The following ATP8A2 variants were observed in gnomAD, a reference collection of about 807,000 sequenced individuals.
ATP8A2 encodes the protein ATPase phospholipid transporting 8A2.
ATP8A2 carries 100 observed loss-of-function variants against 165.6 expected under a neutral mutation model. The observed-to-expected ratio is 0.60, with a 90% CI of 0.51 to 0.71. The LOEUF is 0.71. Among genes scored for constraint, ATP8A2 ranks in the 30% least tolerant of loss-of-function variants. The pLI is 0.00. For synonymous variants in ATP8A2, 543 were observed against 548.8 expected (o/e 0.99, Z 0.15); for missense variants, 1,227 against 1,479.5 (o/e 0.83, Z 2.80).
intron 24 of ATP8A2, among the ~76,000 whole-genome samples, chr13:25,654,312 C>A (rs1226637295): frequency 1.3e-5 from 2 of 152,086 alleles, no homozygotes; most frequent in African/African-American, 2.4e-5. Flanking sequence ...CTCAGGTGAT[C>A]CTTCCACCTC....
At chr13:25,810,869 A>G (rs1435801687) in intron 27 of ATP8A2, among the ~76,000 whole-genome samples, 1 of 152,184 alleles carries the variant, frequency 6.6e-6, no homozygotes, top group Non-Finnish European at 1.5e-5. Context: ...GATTATGTCT[A>G]TCCCATCAAA....
At chr13:25,717,788 T>C (rs2043288097) in intron 25 of ATP8A2, among the ~76,000 whole-genome samples, 1 of 152,232 alleles carries the variant, frequency 6.6e-6, no homozygotes. Context: ...AATGCCTCCC[T>C]CAGTATAGCT....
At chr13:25,708,843 G>A (rs2043104310) in intron 25 of ATP8A2, among the ~76,000 whole-genome samples, 1 of 152,214 alleles carries the variant, frequency 6.6e-6, no homozygotes, top group South Asian at 2.1e-4. Context: ...AATTTTGTCA[G>A]CAGGAGCTAG....
intron 24 of ATP8A2, among the ~76,000 whole-genome samples, chr13:25,592,164 A>G (rs1393530091): frequency 2.0e-5 from 3 of 151,448 alleles, no homozygotes; most frequent in Non-Finnish European, 4.4e-5. Context: ...TATATCTTCT[A>G]TGGAGAAATG....
At chr13:25,591,438 T>A in intron 24 of ATP8A2, 1 of 450,814 alleles carries the variant, frequency 2.2e-6, no homozygotes, top group South Asian at 1.6e-5. Context: ...TCATTTCATG[T>A]AACATAATGT....
At chr13:25,579,595 C>T (rs1470181020) in intron 21 of ATP8A2, among the ~76,000 whole-genome samples, 1 of 152,208 alleles carries the variant, frequency 6.6e-6, no homozygotes, top group Non-Finnish European at 1.5e-5. Context: ...TTCTCGCGCA[C>T]TCTCAGCCTT....
Position 25,832,970 on chromosome 13 carries a change from GTAGA to G in ATP8A2, c.2755-4190_2755-4187del, listed in dbSNP as rs557847252. 5.9e-3 allele frequency among the ~76,000 whole-genome samples: 892 copies of G among 152,130 alleles called. 7 individuals are homozygous for G. The highest frequency in any genetic ancestry group is 0.021 in the African/African-American group (851 of 41,512). ...TATCTAGAAAACAAAAGAAAAAACA[GTAGA>G]TAAATACTCGAATTATAAGAGAATT... On this transcript the variant is annotated intron_variant, in intron 28 of 36. Coordinates refer to ENST00000381655, the MANE Select transcript of ATP8A2 (RefSeq NM_016529.6).
intron 16 of ATP8A2, among the ~76,000 whole-genome samples, chr13:25,564,453 G>A (rs1271587801): frequency 6.6e-6 from 1 of 152,164 alleles, no homozygotes; most frequent in African/African-American, 2.4e-5. Flanking sequence ...ATTCTACTGT[G>A]TGCCAGGCAA....
intron 33 of ATP8A2, among the ~76,000 whole-genome samples, chr13:25,931,310 A>C (rs777319764): frequency 6.6e-6 from 1 of 152,256 alleles, no homozygotes; most frequent in Non-Finnish European, 1.5e-5. Flanking sequence ...CCTGGGTCCT[A>C]TCTCCAGGAT....
intron 25 of ATP8A2, among the ~76,000 whole-genome samples, chr13:25,768,080 G>GT (rs994456818): frequency 1.4e-5 from 2 of 138,806 alleles, no homozygotes; most frequent in Non-Finnish European, 1.6e-5. Context: ...GTGGCGTGGG[G>GT]GGGGGGTGGT....
At chr13:25,504,697 G>A (rs564149527) in intron 2 of ATP8A2, among the ~76,000 whole-genome samples, 48 of 132,342 alleles carry the variant, frequency 3.6e-4, no homozygotes, top group African/African-American at 1.2e-3. Context: ...CCGAGATTGC[G>A]CCACTGCAGT....
In ATP8A2 at chr13:25,541,996, C is replaced by G. The variant is rs1409820473; in HGVS notation, c.729C>G (p.Pro243=). 1.9e-6 allele frequency: 3 copies of G among 1,613,884 alleles called. No homozygotes were observed. The highest frequency in any genetic ancestry group is 4.5e-5 in the East Asian group (2 of 44,892). The change falls in exon 9 of 37, where the codon CCC becomes CCG. Residue 243 remains proline (P), a synonymous_variant. Transcript: ENST00000381655. The part of the protein sequence containing the change: ...KLSGTIECEG[P]NRHLYDFTGN... ...CTGGAACTATAGAGTGTGAAGGGCCCAACCGCCACCTCTATGACTTCACTG... is the reference window on the plus strand; with the variant it reads ...CTGGAACTATAGAGTGTGAAGGGCCGAACCGCCACCTCTATGACTTCACTG...
rs531303104 is a variant in ATP8A2, at chr13:25,623,428, AT to A, written c.2211+33740del. Among the ~76,000 whole-genome samples the A allele has an allele frequency of 5.3e-3, 781 of 148,208 alleles. 8 individuals carry two copies. The highest frequency in any genetic ancestry group is 0.021 in the South Asian group (97 of 4,646). ...GCAACAACAAAAAGCCAGGACTATGATTTTTTTTTTTCAAAAGTTCTTCTCA... is the reference window on the plus strand; with the variant it reads ...GCAACAACAAAAAGCCAGGACTATGATTTTTTTTTTCAAAAGTTCTTCTCA... On this transcript the variant is annotated intron_variant, in intron 24 of 36. Coordinates refer to ENST00000381655, the MANE Select transcript of ATP8A2 (RefSeq NM_016529.6).
intron 34 of ATP8A2, among the ~76,000 whole-genome samples, chr13:25,964,055 G>A (rs1488897329): frequency 6.6e-6 from 1 of 152,206 alleles, no homozygotes; most frequent in African/African-American, 2.4e-5. Flanking sequence ...GCTAAGGGTC[G>A]TCACTCTGCA....
chr13:25,812,371 T>C (rs1438548135), intron 27 of ATP8A2, among the ~76,000 whole-genome samples: 1 of 147,958 alleles, frequency 6.8e-6, no homozygotes, highest in East Asian at 2.1e-4. Context: ...CACTTCTCTT[T>C]GATGCTCTCC....
chr13:26,015,921 C>A (rs1194592638), intron 36 of ATP8A2, among the ~76,000 whole-genome samples: 1 of 152,174 alleles, frequency 6.6e-6, no homozygotes, highest in Non-Finnish European at 1.5e-5. Context: ...GTTAAAGGTT[C>A]ATTAGGCAGA....
At chr13:25,830,671 G>A (rs1467478197) in intron 28 of ATP8A2, among the ~76,000 whole-genome samples, 2 of 152,130 alleles carry the variant, frequency 1.3e-5, no homozygotes, top group Non-Finnish European at 2.9e-5. Flanking sequence ...AAGGTACAAA[G>A]AACTACTATT....
At chr13:25,824,662 C>A (rs935799724) in intron 27 of ATP8A2, among the ~76,000 whole-genome samples, 1 of 152,132 alleles carries the variant, frequency 6.6e-6, no homozygotes, top group African/African-American at 2.4e-5. Flanking sequence ...CCTGTATGCC[C>A]TAGAGGAAAT....
At chr13:25,533,340 A>G (rs755971722) in intron 6 of ATP8A2, 27 bp downstream of exon 6, 35 of 1,343,062 alleles carry the variant, frequency 2.6e-5, no homozygotes, top group Non-Finnish European at 3.6e-5. Flanking sequence ...AAGATGTACC[A>G]GTACTATTGG....
Sources: gnomAD v4.1 joint callset for allele counts (sites outside exome capture counted in the v4.1 genomes callset) on GRCh38, gnomAD v4.1.1 for gene constraint, MANE v1.5 for transcripts, NCBI Gene and HGNC (gene_info 2026-07-23, HGNC 2026-07-21) for gene names.